The following DPP9 variants were observed in gnomAD, a reference collection of about 807,000 sequenced individuals.
DPP9 encodes the protein dipeptidyl peptidase 9, also known as dipeptidyl peptidase IV-related protein-2.
Under a neutral mutation model 110.7 loss-of-function variants are expected in DPP9, and 50 were observed. That is an observed-to-expected ratio of 0.45 (90% CI 0.36 to 0.57). The LOEUF is 0.57. DPP9 is among the 20% of genes least tolerant of loss of function. DPP9 has a pLI of 0.00. For missense variants in DPP9, 1,022 were observed against 1,217.9 expected, an observed-to-expected ratio of 0.84 and a Z score of 2.39; for synonymous variants, 561 against 514.4, an observed-to-expected ratio of 1.09 and a Z score of -1.23.
Position 4,714,117 on chromosome 19 carries a change from C to T in DPP9, c.277G>A (p.Glu93Lys). The T allele has an allele frequency of 6.2e-7, 1 of 1,613,280 alleles. No individual in the cohort carries two copies. Among genetic ancestry groups the T allele is most frequent in the Non-Finnish European group, 8.5e-7 (1 of 1,179,602 alleles). The change falls in exon 4 of 22, where the codon GAG becomes AAG. Residue 93 changes from glutamate (E) to lysine (K), a missense_variant. Around this residue, in one of 3 missense-constraint regions of DPP9, gnomAD observed 810 missense variants for 920.6 expected, o/e 0.88. Coordinates refer to ENST00000262960, the MANE Select transcript of DPP9 (RefSeq NM_139159.5). ...HDFQFVQKTD[E>K]SGPHSHRLYY... ...AGGCGGTGGGAGTGGGGCCCAGACT[C>T]ATCCGTCTTCTGCACAAACTGGAAG... is the stretch of plus-strand genomic sequence containing the variant.
Position 4,684,629 on chromosome 19 carries a change from C to T in DPP9, c.2178+34G>A, listed in dbSNP as rs201176546. 143 of 1,611,152 alleles carry T rather than the reference C, an allele frequency of 8.9e-5. No homozygotes were observed. Among genetic ancestry groups the T allele is most frequent in the African/African-American group, 1.2e-4 (9 of 74,962 alleles). ...GGCCCAGGGCTCCCTTCCCGAGACC[C>T]AAAGGACCCAGAGCAACAGGGAGGA... is the stretch of plus-strand genomic sequence containing the variant. On this transcript the variant is annotated intron_variant, in intron 18 of 21. Transcript: ENST00000262960. The surrounding 1 kb of genome is among the most constrained non-coding windows in gnomAD (Gnocchi z 4.8).
Position 4,700,124 on chromosome 19 carries a change from G to T in DPP9, c.1074+92C>A. Reference sequence around the variant, plus strand: ...GGGCCTGGGGAGTGCCCCCGAGAGGGAGGTGAGTGACCTGCCCATCCACCC... The same window carrying T: ...GGGCCTGGGGAGTGCCCCCGAGAGGTAGGTGAGTGACCTGCCCATCCACCC... On this transcript the variant is annotated intron_variant, in intron 10 of 21. Coordinates refer to ENST00000262960, the MANE Select transcript of DPP9 (RefSeq NM_139159.5). This position sits in a 1 kb window ranked among gnomAD's most constrained non-coding sequence, Gnocchi z 4.3. 2 of 1,064,402 alleles carry T rather than the reference G, an allele frequency of 1.9e-6. No homozygotes were observed. The highest frequency in any genetic ancestry group is 1.9e-5 in the South Asian group (1 of 52,272). 65.9% of individuals were successfully genotyped at this position (1,064,402 alleles called of 1,614,324 possible). A position where few individuals can be genotyped will look rare whatever the true frequency, so the allele number is the denominator to read the frequency against.
Position 4,695,529 on chromosome 19 carries a change from G to A in DPP9, c.1202C>T (p.Pro401Leu). 6.6e-7 allele frequency: 1 copy of A among 1,516,440 alleles called. No homozygotes were observed. The highest frequency in any genetic ancestry group is 2.5e-5 in the East Asian group (1 of 40,728). The allele number at this position is 1,516,440 out of a possible 1,614,324, so 93.9% of individuals were successfully genotyped here. Residue 401 changes from proline to leucine, a missense_variant, in exon 12 of 22, where the codon CCC becomes CTC. Pro to Leu is a moderately conservative substitution (Grantham distance 98, BLOSUM62 -3). Transcript: ENST00000262960. This position sits in a 1 kb window ranked among gnomAD's most constrained non-coding sequence, Gnocchi z 4.7. The part of the protein sequence containing the change: ...KYAWAMFLDR[P>L]QQWLQLVLLP... The stretch of plus-strand genomic sequence containing the variant: ...GAGGACGAGCTGGAGCCACTGCTGG[G>A]GCCGGTCCAGGAACATGGCCCAGGC...
chr19:4,714,392 G>T (rs2092979572), intron 3 of DPP9, 55 bp from the exon 4 acceptor site: 2 of 1,448,256 alleles, frequency 1.4e-6, no homozygotes, highest in Admixed American at 2.6e-5. Flanking sequence ...CCTACGAGCT[G>T]CCCCAATGCT....
intron 7 of DPP9, among the ~76,000 whole-genome samples, chr19:4,703,611 GGCACTCCCGCCT>G (rs1405725477): frequency 5.9e-5 from 9 of 151,586 alleles, no homozygotes; most frequent in Non-Finnish European, 1.3e-4. Context: ...AGTCCACCTG[GGCACTCCCGCCT>G]GCGCTCCCGC....
At chr19:4,722,081 G>A (rs1047748809) in intron 2 of DPP9, 1 of 183,760 alleles carries the variant, frequency 5.4e-6, no homozygotes, top group Admixed American at 5.9e-5. Flanking sequence ...GTCTGATGTA[G>A]CACAAACTAA....
chr19:4,675,811 G>T lies in DPP9; in HGVS notation c.*753C>A. On this transcript the variant is annotated 3_prime_UTR_variant, in exon 22 of 22. Transcript: ENST00000262960. ...TTTGAGACAGAGTTTCGCTCTTGTT[G>T]CCCAGGCTGGAGTGCAATGGTGCGA... is the stretch of plus-strand genomic sequence containing the variant. 6.6e-6 allele frequency: 1 copy of T among 152,466 alleles called. No individual in the cohort carries two copies. Among genetic ancestry groups the T allele is most frequent in the Non-Finnish European group, 1.5e-5 (1 of 68,172 alleles). The allele number at this position is 152,466 out of a possible 1,614,324, so 9.4% of individuals were successfully genotyped here.
At chr19:4,709,501 C>A (rs1247103029) in intron 4 of DPP9, among the ~76,000 whole-genome samples, 1 of 152,088 alleles carries the variant, frequency 6.6e-6, no homozygotes, top group Non-Finnish European at 1.5e-5. Context: ...TCTAAGAGCC[C>A]TTGAAGCTGC....
At position 4,719,891 on chromosome 19, in the gene DPP9, T is replaced by C; in HGVS notation, c.16A>G (p.Lys6Glu). The change falls in exon 3 of 22, where the codon AAA becomes GAA. Residue 6 changes from lysine (K) to glutamate (E), a missense_variant. Around this residue, in one of 3 missense-constraint regions of DPP9, gnomAD observed 810 missense variants for 920.6 expected, o/e 0.88. Coordinates refer to ENST00000262960, the MANE Select transcript of DPP9 (RefSeq NM_139159.5). ...GTGTTCTCCTTGTCCAGGCGCAGTT[T>C]CTTAACCTTCCGCATTAACCGCTCA... The part of the protein sequence containing the change: MRKVK[K>E]LRLDKENTGS... 1 of 1,551,736 alleles carries C rather than the reference T, an allele frequency of 6.4e-7. No individual in the cohort carries two copies. The highest frequency in any genetic ancestry group is 8.7e-7 in the Non-Finnish European group (1 of 1,147,000).
intron 21 of DPP9, among the ~76,000 whole-genome samples, chr19:4,678,594 G>A (rs2089253915): frequency 6.6e-6 from 1 of 152,020 alleles, no homozygotes; most frequent in Admixed American, 6.6e-5. Flanking sequence ...TTCCATTCCA[G>A]CCCTGCCTGA....
rs375267935 is a variant in DPP9 at position 4,694,668 on chromosome 19, G to A, written c.1509C>T (p.Pro503=). 2.5e-5 allele frequency: 40 copies of A among 1,610,850 alleles called. No homozygotes were observed. The highest frequency in any genetic ancestry group is 5.3e-5 in the African/African-American group (4 of 74,850). ...QGYDWSEPFS[P]GEDEFKCPIK... ...TCGTCAGGCTCTGCTCACCTTCCCC[G>A]GGGCTGAAGGGCTCACTCCAATCGT... is the stretch of plus-strand genomic sequence containing the variant. Residue 503 remains proline (P), a synonymous_variant, in exon 13 of 22, where the codon CCC becomes CCT. Transcript: ENST00000262960. This position sits in a 1 kb window ranked among gnomAD's most constrained non-coding sequence, Gnocchi z 4.0.
chr19:4,722,646 C>A (rs951894418), intron 1 of DPP9, 95 bp from the exon 2 acceptor site: 1 of 688,722 alleles, frequency 1.5e-6, no homozygotes. Flanking sequence ...GACTGTCAGG[C>A]CCGATTCTAC....
Position 4,689,764 on chromosome 19 carries a change from C to G in DPP9, c.1597-42G>C, listed in dbSNP as rs1377293812. ...GATCCTCGTGATGCGTCCCAGATGC[C>G]CCTGGGCCCACACCCCTCTCCACGC... On this transcript the variant is annotated intron_variant, in intron 14 of 21. Coordinates refer to ENST00000262960, the MANE Select transcript of DPP9 (RefSeq NM_139159.5). This position sits in a 1 kb window ranked among gnomAD's most constrained non-coding sequence, Gnocchi z 7.0. The G allele has an allele frequency of 6.6e-7, 1 of 1,520,868 alleles. No homozygotes were observed. The highest frequency in any genetic ancestry group is 1.4e-5 in the African/African-American group (1 of 72,266). The allele number at this position is 1,520,868 out of a possible 1,614,324, so 94.2% of individuals were successfully genotyped here. A position where few individuals can be genotyped will look rare whatever the true frequency, so the allele number is the denominator to read the frequency against.
chr19:4,689,926 C>T lies in DPP9; in HGVS notation c.1597-204G>A, dbSNP rs575059670. Among the ~76,000 whole-genome samples the T allele has an allele frequency of 1.8e-4, 28 of 152,300 alleles. No homozygotes were observed. Among genetic ancestry groups the T allele is most frequent in the African/African-American group, 6.0e-4 (25 of 41,564 alleles). ...CCGTGGGCTGGGAGCAGCCCCTGGT[C>T]GAGCTGGGAACTGCGTGTCCTCAGG... On this transcript the variant is annotated intron_variant, in intron 14 of 21. Transcript: ENST00000262960. This position sits in a 1 kb window ranked among gnomAD's most constrained non-coding sequence, Gnocchi z 7.0.
intron 13 of DPP9, among the ~76,000 whole-genome samples, chr19:4,692,434 G>A (rs894776421): frequency 6.6e-6 from 1 of 152,272 alleles, no homozygotes; most frequent in South Asian, 2.1e-4. Flanking sequence ...GGGGCCTGGG[G>A]AGGAGAGCGG....
intron 16 of DPP9, among the ~76,000 whole-genome samples, chr19:4,686,187 C>A (rs1015897415): frequency 6.6e-6 from 1 of 151,754 alleles, no homozygotes; most frequent in Non-Finnish European, 1.5e-5. Flanking sequence ...TTCCTGGGTT[C>A]AAGCGATTAT....
chr19:4,688,482 C>T (rs960165773), intron 16 of DPP9: 2 of 375,130 alleles, frequency 5.3e-6, no homozygotes, highest in Non-Finnish European at 9.4e-6. Context: ...TCACTGGTTA[C>T]CATTTTGGCA....
At chr19:4,683,169 G>C in intron 19 of DPP9, 1 of 1,441,544 alleles carries the variant, frequency 6.9e-7, no homozygotes, top group Non-Finnish European at 9.1e-7. Flanking sequence ...CCCCCCCGCC[G>C]CTCTGCACAC....
At position 4,710,833 on chromosome 19, in the gene DPP9, C is replaced by A. The variant is rs887400106; in HGVS notation, c.313+3248G>T. Among the ~76,000 whole-genome samples, 1 of 152,116 alleles carries A rather than the reference C, an allele frequency of 6.6e-6. No individual in the cohort carries two copies. The highest frequency in any genetic ancestry group is 1.5e-5 in the Non-Finnish European group (1 of 68,020). On this transcript the variant is annotated intron_variant, in intron 4 of 21. Coordinates refer to ENST00000262960, the MANE Select transcript of DPP9 (RefSeq NM_139159.5). The surrounding 1 kb of genome is among the most constrained non-coding windows in gnomAD (Gnocchi z 5.6). ...AGGGTGAATTTCACCCCGAAAGGGGCAGTCTGGTTTTTGAGCTACTCTAGG... is the reference window on the plus strand; with the variant it reads ...AGGGTGAATTTCACCCCGAAAGGGGAAGTCTGGTTTTTGAGCTACTCTAGG...
Sources: gnomAD v4.1 joint callset for allele counts (sites outside exome capture counted in the v4.1 genomes callset) on GRCh38, gnomAD v4.1.1 for gene constraint, gnomAD v4.1.1 regional missense constraint, Gnocchi (gnomAD v3.1) non-coding constraint, MANE v1.5 for transcripts, NCBI Gene and HGNC (gene_info 2026-07-23, HGNC 2026-07-21) for gene names.